The following USP34 variants were observed in gnomAD, a reference collection of about 807,000 sequenced individuals.
USP34 encodes ubiquitin carboxyl-terminal hydrolase 34.
A neutral mutation model predicts 460.3 loss-of-function variants in USP34; 70 were observed. The observed-to-expected ratio is 0.15, with a 90% CI of 0.13 to 0.19. USP34 has a LOEUF of 0.19. Among genes scored for constraint, USP34 ranks in the 10% least tolerant of loss-of-function variants. USP34 has a pLI of 1.00. For synonymous variants in USP34, 1,647 were observed against 1,405.3 expected (o/e 1.17, Z -3.85); for missense variants, 3,985 against 4,236.2 (o/e 0.94, Z 1.65).
chr2:61,190,130 TA>T lies in USP34; in HGVS notation c.9873+140del, dbSNP rs1035102984. On this transcript the variant is annotated intron_variant, in intron 78 of 79. Transcript: ENST00000398571. ...ATACAAGGCATAGTAAACGTGTATTTAAAACTTGTTTTTTTGTCGCACATGG... is the reference window on the plus strand; with the variant it reads ...ATACAAGGCATAGTAAACGTGTATTTAAACTTGTTTTTTTGTCGCACATGG... 2.5e-6 allele frequency: 3 copies of T among 1,195,484 alleles called. No individual in the cohort carries two copies. The African/African-American group carries it at 4.6e-5, about 18-fold the overall frequency. 74.1% of individuals were successfully genotyped at this position (1,195,484 alleles called of 1,614,324 possible).
At chr2:61,267,076 C>T (rs763417711) in intron 41 of USP34, among the ~76,000 whole-genome samples, 1 of 152,194 alleles carries the variant, frequency 6.6e-6, no homozygotes, top group South Asian at 2.1e-4. Flanking sequence ...ACATCACATG[C>T]GTTGTCATGC....
intron 1 of USP34, among the ~76,000 whole-genome samples, chr2:61,457,921 G>T (rs1034313556): frequency 6.6e-6 from 1 of 152,100 alleles, no homozygotes; most frequent in Non-Finnish European, 1.5e-5. Flanking sequence ...CATCACAAAA[G>T]CAAGGACTGA....
At chr2:61,258,678 T>C (rs971177840) in intron 44 of USP34, among the ~76,000 whole-genome samples, 12 of 152,180 alleles carry the variant, frequency 7.9e-5, no homozygotes, top group Non-Finnish European at 1.5e-4. Context: ...GCCATGGTGA[T>C]GAGCTCGAAT....
At chr2:61,286,228 G>T (rs1485888675) in intron 34 of USP34, among the ~76,000 whole-genome samples, 1 of 152,116 alleles carries the variant, frequency 6.6e-6, no homozygotes, top group Non-Finnish European at 1.5e-5. Flanking sequence ...AACATTAGAT[G>T]ACTCTGTCTT....
rs774578024 is a variant in USP34 at position 61,283,436 on chromosome 2, G to C, written c.4846C>G (p.Gln1616Glu). 3 of 1,606,200 alleles carry C rather than the reference G, an allele frequency of 1.9e-6. No individual in the cohort carries two copies. The East Asian group carries it at 6.7e-5, about 36-fold the overall frequency. ...DNLAPRVLKA[Q>E]SDHRSRHEVS... ...TCATGTCTAGACCTGTGATCAGACTGAGCTTTTAAAACTCTGTAAAGTAAA... is the reference window on the plus strand; with the variant it reads ...TCATGTCTAGACCTGTGATCAGACTCAGCTTTTAAAACTCTGTAAAGTAAA... Residue 1616 changes from glutamine to glutamate, a missense_variant, in exon 36 of 80, where the codon CAG (glutamine) becomes GAG (glutamate). Physicochemically the swap from Gln to Glu is conservative, Grantham distance 29 (BLOSUM62 2). Transcript: ENST00000398571.
At chr2:61,329,382 A>G (rs1691192999) in intron 20 of USP34, among the ~76,000 whole-genome samples, 1 of 152,174 alleles carries the variant, frequency 6.6e-6, no homozygotes, top group Non-Finnish European at 1.5e-5. Flanking sequence ...GGCCACCATT[A>G]TCGTCAAACT....
At chr2:61,457,575 G>A (rs1032807394) in intron 1 of USP34, among the ~76,000 whole-genome samples, 2 of 152,140 alleles carry the variant, frequency 1.3e-5, no homozygotes, top group Non-Finnish European at 2.9e-5. Flanking sequence ...TCACGAACTA[G>A]TAAAGTGTTG....
chr2:61,414,381 G>A (rs1425126366), intron 2 of USP34, among the ~76,000 whole-genome samples: 11 of 152,024 alleles, frequency 7.2e-5, no homozygotes, highest in Non-Finnish European at 1.5e-5. Flanking sequence ...CTGAAATTCT[G>A]CAAGCAATTT....
chr2:61,402,036 A>G (rs2103923760), intron 3 of USP34, among the ~76,000 whole-genome samples: 1 of 151,874 alleles, frequency 6.6e-6, no homozygotes, highest in South Asian at 2.1e-4. Flanking sequence ...GGATCACCTG[A>G]GGCCATGAGT....
chr2:61,431,068 C>T (rs1694662723), intron 1 of USP34, among the ~76,000 whole-genome samples: 1 of 152,108 alleles, frequency 6.6e-6, no homozygotes, highest in Non-Finnish European at 1.5e-5. Context: ...AAGAAATTTA[C>T]ACAACTAGAC....
In USP34 at chr2:61,350,150, C is replaced by T. The variant is rs1055176937; in HGVS notation, c.1507+110G>A. ...CTTTTATATGCACTCTTCTACCCAT[C>T]CCACACTTATTTTAAAATAAAGATT... On this transcript the variant is annotated intron_variant, in intron 12 of 79. Transcript: ENST00000398571. 2.4e-6 allele frequency: 3 copies of T among 1,232,012 alleles called. No homozygotes were observed. In the Admixed American group the frequency reaches 7.6e-5, roughly 31 times the overall value. The allele number at this position is 1,232,012 out of a possible 1,614,324, so 76.3% of individuals were successfully genotyped here. A position where few individuals can be genotyped will look rare whatever the true frequency, so the allele number is the denominator to read the frequency against.
intron 51 of USP34, among the ~76,000 whole-genome samples, chr2:61,242,275 C>T (rs59157557): frequency 0.15 from 23,521 of 152,070 alleles, 2,233 homozygotes; most frequent in South Asian, 0.35. Context: ...CATGTCAAAA[C>T]ATCTACCTCC....
Position 61,470,703 on chromosome 2 carries a change from C to T in USP34, c.-11G>A, listed in dbSNP as rs1414559468. 1.3e-6 allele frequency: 2 copies of T among 1,590,558 alleles called. No individual in the cohort carries two copies. Among genetic ancestry groups the T allele is most frequent in the Non-Finnish European group, 1.7e-6 (2 of 1,168,436 alleles). On this transcript the variant is annotated 5_prime_UTR_variant, in exon 1 of 80. Transcript: ENST00000398571. ...GCAGTTCTCGCACATCGTTCGGCCG[C>T]CGCCCCCCCCCTCCCCCGCTTCGGA...
intron 23 of USP34, among the ~76,000 whole-genome samples, chr2:61,315,217 A>T (rs1430794929): frequency 6.6e-6 from 1 of 152,252 alleles, no homozygotes; most frequent in African/African-American, 2.4e-5. Context: ...ACATAGTACG[A>T]AAATTCTAGT....
intron 5 of USP34, among the ~76,000 whole-genome samples, 194 bp downstream of exon 5, chr2:61,394,659 G>C (rs951162212): frequency 2.6e-5 from 4 of 151,680 alleles, no homozygotes; most frequent in Admixed American, 1.3e-4. Context: ...CTTTAAAACA[G>C]GTAACTTAAT....
intron 72 of USP34, among the ~76,000 whole-genome samples, 172 bp from the exon 73 acceptor site, chr2:61,204,773 CAG>C (rs564702070): frequency 4.2e-4 from 64 of 152,240 alleles, no homozygotes; most frequent in African/African-American, 1.4e-3. Flanking sequence ...TTTAGATCAA[CAG>C]AGTTATTAAC....
At chr2:61,443,201 A>C (rs1248114684) in intron 1 of USP34, among the ~76,000 whole-genome samples, 2 of 152,202 alleles carry the variant, frequency 1.3e-5, no homozygotes, top group Non-Finnish European at 2.9e-5. Flanking sequence ...AGATAGGAGG[A>C]ATAAGTTCCA....
chr2:61,348,406 A>C lies in USP34; in HGVS notation c.1749T>G (p.Ser583Arg). Reference sequence around the variant, plus strand: ...CATTGCTAGATCCATCACTATGCCCACTACTGCTACCAGGACCACTGCTTC... The same window carrying C: ...CATTGCTAGATCCATCACTATGCCCCCTACTGCTACCAGGACCACTGCTTC... ...EDGSSGPGSSSGHSDGSSNEV... is the reference protein window; with the variant it reads ...EDGSSGPGSSRGHSDGSSNEV... The change falls in exon 15 of 80, where the codon AGT becomes AGG. Residue 583 changes from serine (S) to arginine (R), a missense_variant. Ser to Arg is a moderately radical substitution (Grantham distance 110). This residue lies in a region of USP34 where 716 missense variants were observed against 626.2 expected (regional missense o/e 1.14). Transcript: ENST00000398571. 2 of 1,613,878 alleles carry C rather than the reference A, an allele frequency of 1.2e-6. No homozygotes were observed. Among genetic ancestry groups the C allele is most frequent in the Non-Finnish European group, 1.7e-6 (2 of 1,180,020 alleles).
At chr2:61,316,790 G>C (rs1012008254) in intron 23 of USP34, among the ~76,000 whole-genome samples, 59 of 151,944 alleles carry the variant, frequency 3.9e-4, no homozygotes, top group African/African-American at 1.4e-3. Flanking sequence ...GGAAGCTGAG[G>C]CATGAGAATT....
Sources: allele counts gnomAD v4.1 joint callset (sites outside exome capture counted in the v4.1 genomes callset), GRCh38; gene constraint gnomAD v4.1.1; regional missense constraint gnomAD v4.1.1; transcripts MANE v1.5; gene names NCBI Gene and HGNC (gene_info 2026-07-23, HGNC 2026-07-21).